TCP11: variants seen among roughly 807,000 people sequenced by gnomAD.
TCP11 encodes T-complex protein 11 homolog.
TCP11 carries 34 observed loss-of-function variants against 45.0 expected under a neutral mutation model. The ratio of observed to expected loss-of-function variants is 0.76; its 90% CI spans 0.57 to 1.01. The LOEUF (loss-of-function observed/expected upper bound fraction) is 1.01, where lower values mean the gene tolerates loss of function less well. TCP11 is among the 50% of genes least tolerant of loss of function. The pLI, the probability that TCP11 is intolerant of heterozygous loss-of-function variation, is 0.00. For missense variants in TCP11, 523 were observed against 598.1 expected (o/e 0.87, Z 1.31); for synonymous variants, 227 against 227.0 (o/e 1.00, Z 0.00).
At chr6:35,140,707 AC>A in intron 2 of TCP11, 39 bp downstream of exon 2, 1 of 1,433,530 alleles carries the variant, frequency 7.0e-7, no homozygotes, top group Non-Finnish European at 9.5e-7. Context: ...CACACTAAGC[AC>A]CCCCTAGGGG....
At chr6:35,121,579 G>T (rs60590096) in intron 5 of TCP11, among the ~76,000 whole-genome samples, 4,552 of 151,832 alleles carry the variant, frequency 0.03, 220 homozygotes, top group African/African-American at 0.1. Context: ...TTGGGAGGCC[G>T]AGGTGGGTGA....
rs762830776 is a variant in TCP11 at position 35,140,114 on chromosome 6, T to C, written c.124+633A>G. 3.1e-6 allele frequency: 5 copies of C among 1,613,578 alleles called. No individual in the cohort carries two copies. The South Asian group carries it at 5.5e-5, about 18-fold the overall frequency. On this transcript the variant is annotated intron_variant, in intron 2 of 9. Transcript: ENST00000311875. The stretch of plus-strand genomic sequence containing the variant: ...CTCATGTGGCCACAAGAAAAACCAA[T>C]CTAATTCAGCCGCAAAGCCTCAATC...
At chr6:35,118,527 A>T (rs940373342) in intron 9 of TCP11, 26 bp from the exon 10 acceptor site, 3 of 1,601,606 alleles carry the variant, frequency 1.9e-6, no homozygotes, top group Admixed American at 1.7e-5. Flanking sequence ...GACACTGATA[A>T]GGGAAAAGGC....
At chr6:35,141,174 C>T in intron 1 of TCP11, 31 bp downstream of exon 1, 1 of 1,364,316 alleles carries the variant, frequency 7.3e-7, no homozygotes, top group Admixed American at 3.4e-5. Flanking sequence ...AAACGCCGGC[C>T]CAGGCCCGCC....
intron 3 of TCP11, among the ~76,000 whole-genome samples, chr6:35,134,101 A>G (rs1780769094): frequency 6.6e-6 from 1 of 152,056 alleles, no homozygotes; most frequent in Non-Finnish European, 1.5e-5. Context: ...TAGGAGCTAT[A>G]TGGTAGGCAG....
intron 9 of TCP11, 90 bp downstream of exon 9, chr6:35,119,138 G>A: frequency 3.3e-6 from 5 of 1,503,334 alleles, no homozygotes; most frequent in Non-Finnish European, 4.5e-6. Context: ...CGTACCTAAT[G>A]ACCATGCTTC....
chr6:35,118,181 A>G lies in TCP11; in HGVS notation c.*88T>C. 8.8e-7 allele frequency: 1 copy of G among 1,130,168 alleles called. No individual in the cohort carries two copies. Among genetic ancestry groups the G allele is most frequent in the Non-Finnish European group, 1.3e-6 (1 of 758,730 alleles). The allele number at this position is 1,130,168 out of a possible 1,614,324, so 70.0% of individuals were successfully genotyped here. A position where few individuals can be genotyped will look rare whatever the true frequency, so the allele number is the denominator to read the frequency against. ...GCTGCAGGGCCTGGGATAGAAGCTC[A>G]CTGTCTGCTGGTCACTGGTGATGTT... On this transcript the variant is annotated 3_prime_UTR_variant, in exon 10 of 10. Transcript: ENST00000311875.
chr6:35,130,724 A>G (rs1780330942), intron 3 of TCP11, among the ~76,000 whole-genome samples: 1 of 152,222 alleles, frequency 6.6e-6, no homozygotes, highest in Admixed American at 6.5e-5. Flanking sequence ...CTAATGGCTG[A>G]CCAGGATATA....
chr6:35,132,313 T>C (rs1780545231), intron 3 of TCP11, among the ~76,000 whole-genome samples: 1 of 152,216 alleles, frequency 6.6e-6, no homozygotes, highest in African/African-American at 2.4e-5. Context: ...CAAGTCTTCA[T>C]AGGCCTAACC....
chr6:35,119,438 C>A, intron 8 of TCP11, 47 bp from the exon 9 acceptor site: 2 of 1,601,096 alleles, frequency 1.2e-6, no homozygotes. Context: ...GTAACCCTGG[C>A]ATAGGCCCAG....
chr6:35,131,931 T>A (rs982527149), intron 3 of TCP11, among the ~76,000 whole-genome samples: 3 of 152,158 alleles, frequency 2.0e-5, no homozygotes, highest in African/African-American at 7.2e-5. Flanking sequence ...TACAATTAAC[T>A]AGTCTCCCTG....
chr6:35,128,467 C>T (rs1246604170), intron 4 of TCP11: 1 of 152,222 alleles, frequency 6.6e-6, no homozygotes, highest in Non-Finnish European at 1.5e-5. Context: ...GAGTTATATC[C>T]CATCACTTTT....
intron 3 of TCP11, among the ~76,000 whole-genome samples, chr6:35,134,511 C>A (rs1780841720): frequency 6.6e-6 from 1 of 151,864 alleles, no homozygotes. Context: ...GATCTCTTGA[C>A]CTCGTGATCC....
intron 2 of TCP11, chr6:35,140,220 C>A (rs1335678386): frequency 4.6e-6 from 7 of 1,516,544 alleles, no homozygotes; most frequent in Non-Finnish European, 6.2e-6. Context: ...TGACTAGTTA[C>A]GTTCTCTGGA....
Position 35,125,706 on chromosome 6 carries a change from G to C in TCP11, c.357+3356C>G, listed in dbSNP as rs536846486. Among the ~76,000 whole-genome samples, 14 of 152,226 alleles carry C rather than the reference G, an allele frequency of 9.2e-5. No individual in the cohort carries two copies. The East Asian group carries it at 2.7e-3, about 29-fold the overall frequency. ...AAAGCAGGGACTCAAATATATACTT[G>C]TACACAAGGTTTACAGCAGCATTAT... is the stretch of plus-strand genomic sequence containing the variant. On this transcript the variant is annotated intron_variant, in intron 4 of 9. Coordinates refer to ENST00000311875, the MANE Select transcript of TCP11 (RefSeq NM_001370687.1).
intron 2 of TCP11, among the ~76,000 whole-genome samples, chr6:35,139,064 T>C (rs1490617683): frequency 6.6e-6 from 1 of 152,098 alleles, no homozygotes; most frequent in Non-Finnish European, 1.5e-5. Flanking sequence ...GGCACATGCT[T>C]ATAATCCCAG....
At position 35,140,002 on chromosome 6, in the gene TCP11, A is replaced by G. The variant is rs758314563; in HGVS notation, c.124+745T>C. 3 of 1,613,714 alleles carry G rather than the reference A, an allele frequency of 1.9e-6. No individual in the cohort carries two copies. In the East Asian group the frequency reaches 6.7e-5, roughly 36 times the overall value. Reference sequence around the variant, plus strand: ...AAACTTAAATTGTGTGTACAAAAAAACGGATTTTTCATCCTACCTCAGGTT... The same window carrying G: ...AAACTTAAATTGTGTGTACAAAAAAGCGGATTTTTCATCCTACCTCAGGTT... On this transcript the variant is annotated intron_variant, in intron 2 of 9. Coordinates refer to ENST00000311875, the MANE Select transcript of TCP11 (RefSeq NM_001370687.1).
chr6:35,124,125 C>G (rs1481812273), intron 4 of TCP11, among the ~76,000 whole-genome samples: 1 of 152,192 alleles, frequency 6.6e-6, no homozygotes, highest in African/African-American at 2.4e-5. Flanking sequence ...ACATGCACCA[C>G]ATTTGTGTTT....
intron 4 of TCP11, among the ~76,000 whole-genome samples, chr6:35,123,245 A>G (rs1779477644): frequency 6.6e-6 from 1 of 152,174 alleles, no homozygotes. Context: ...TGACTGGTAA[A>G]AAGTTGAGTG....
Sources: allele counts gnomAD v4.1 joint callset (sites outside exome capture counted in the v4.1 genomes callset), GRCh38; gene constraint gnomAD v4.1.1; transcripts MANE v1.5; gene names NCBI Gene and HGNC (gene_info 2026-07-23, HGNC 2026-07-21).